Variants in IL17RD observed in about 807,000 individuals in gnomAD.
IL17RD encodes the protein interleukin 17 receptor D, also known as interleukin-17 receptor D.
A neutral mutation model predicts 80.5 loss-of-function variants in IL17RD; 52 were observed. That is an observed-to-expected ratio of 0.65 (90% CI 0.52 to 0.81). The LOEUF is 0.81. IL17RD is among the 40% of genes least tolerant of loss of function. The pLI is 0.00. For missense variants in IL17RD, 1,024 were observed against 955.1 expected, an observed-to-expected ratio of 1.07 and a Z score of -0.95; for synonymous variants, 416 against 391.8, an observed-to-expected ratio of 1.06 and a Z score of -0.73.
At chr3:57,162,558 A>C (rs1444379921) in intron 1 of IL17RD, among the ~76,000 whole-genome samples, 1 of 152,194 alleles carries the variant, frequency 6.6e-6, no homozygotes, top group Non-Finnish European at 1.5e-5. Flanking sequence ...GGAGGTGTGG[A>C]CAGGGACAAT....
intron 1 of IL17RD, among the ~76,000 whole-genome samples, chr3:57,151,650 G>T (rs1003975554): frequency 1.3e-5 from 2 of 152,084 alleles, no homozygotes; most frequent in African/African-American, 4.8e-5. Flanking sequence ...TACATTTTAG[G>T]CCAGGTAATT....
rs565473934 is a variant in IL17RD at position 57,094,231 on chromosome 3, T to G, written c.*2162A>C. The G allele has an allele frequency of 7.2e-5, 11 of 152,282 alleles. No homozygotes were observed. The highest frequency in any genetic ancestry group is 2.6e-4 in the African/African-American group (11 of 41,556). The allele number at this position is 152,282 out of a possible 1,614,324, so 9.4% of individuals were successfully genotyped here. ...GGAGAGTAGAAAAAGTGAAACTAATTAAACAAAACTAGGAAGTTGGACTTC... is the reference window on the plus strand; with the variant it reads ...GGAGAGTAGAAAAAGTGAAACTAATGAAACAAAACTAGGAAGTTGGACTTC... On this transcript the variant is annotated 3_prime_UTR_variant, in exon 13 of 13. Transcript: ENST00000296318.
At chr3:57,121,134 T>C in intron 1 of IL17RD, among the ~76,000 whole-genome samples, 1 of 152,248 alleles carries the variant, frequency 6.6e-6, no homozygotes, top group East Asian at 1.9e-4. Flanking sequence ...CGTTCAGCAT[T>C]AATCACAGAA....
intron 5 of IL17RD, among the ~76,000 whole-genome samples, chr3:57,106,690 G>A (rs1036055593): frequency 6.6e-6 from 1 of 152,114 alleles, no homozygotes; most frequent in Non-Finnish European, 1.5e-5. Flanking sequence ...CTGAAAACCA[G>A]GTACCAAAGC....
chr3:57,139,194 A>T (rs1329567940), intron 1 of IL17RD, among the ~76,000 whole-genome samples: 3 of 152,156 alleles, frequency 2.0e-5, no homozygotes, highest in Non-Finnish European at 2.9e-5. Flanking sequence ...AATAACAAAA[A>T]GCCAGGAATT....
intron 11 of IL17RD, among the ~76,000 whole-genome samples, chr3:57,100,879 T>G (rs1706811753): frequency 6.6e-6 from 1 of 152,218 alleles, no homozygotes; most frequent in South Asian, 2.1e-4. Context: ...AATTGCATGT[T>G]TCCACGGAAG....
At chr3:57,110,055 C>G (rs1707059335) in intron 4 of IL17RD, 138 bp downstream of exon 4, 1 of 896,090 alleles carries the variant, frequency 1.1e-6, no homozygotes, top group African/African-American at 1.7e-5. Context: ...CAAGGTGCTG[C>G]TGTACCATTC....
chr3:57,165,376 G>A (rs1422455251), upstream of IL17RD: 1 of 1,128,030 alleles, frequency 8.9e-7, no homozygotes, highest in Non-Finnish European at 1.1e-6. Context: ...CGGCGGCCGC[G>A]GCGGCAGCGA....
chr3:57,097,655 G>T lies in IL17RD; in HGVS notation c.2048C>A (p.Ser683Ter). 6.2e-7 allele frequency: 1 copy of T among 1,601,566 alleles called. No homozygotes were observed. Among genetic ancestry groups the T allele is most frequent in the Non-Finnish European group, 8.5e-7 (1 of 1,174,502 alleles). Residue 683 changes from serine to a stop codon, truncating the protein, a stop_gained, in exon 12 of 13, where the codon TCG becomes TAG. Transcript: ENST00000296318. LOFTEE classifies it high-confidence loss of function. ...ELSLPLMEGLSTDQTETSSLT... is the reference protein window; with the variant it reads ...ELSLPLMEGL ...GGAAGACGTTTCTGTCTGGTCCGTC[G>T]AGAGTCCTTCCATCAGTGGCAGAGA...
chr3:57,099,587 C>T (rs1166655455), intron 11 of IL17RD, among the ~76,000 whole-genome samples: 1 of 152,242 alleles, frequency 6.6e-6, no homozygotes, highest in Non-Finnish European at 1.5e-5. Context: ...AAAGCCCCAA[C>T]ATCCATCCAC....
rs1269989323 is a variant in IL17RD at position 57,093,059 on chromosome 3, GA to G, written c.*3333del. On this transcript the variant is annotated 3_prime_UTR_variant, in exon 13 of 13. Transcript: ENST00000296318. ...AGTACTTCATGGCCACAGTCGACTG[GA>G]AAATTACCCACTGTGGGTGGAACAG... is the stretch of plus-strand genomic sequence containing the variant. 6.6e-6 allele frequency: 1 copy of G among 152,152 alleles called. No homozygotes were observed. The highest frequency in any genetic ancestry group is 2.4e-5 in the African/African-American group (1 of 41,418). The allele number at this position is 152,152 out of a possible 1,614,324, so 9.4% of individuals were successfully genotyped here. A position where few individuals can be genotyped will look rare whatever the true frequency, so the allele number is the denominator to read the frequency against.
At chr3:57,105,597 G>C (rs1706944085) in intron 7 of IL17RD, among the ~76,000 whole-genome samples, 1 of 138,778 alleles carries the variant, frequency 7.2e-6, no homozygotes, top group South Asian at 2.3e-4. Flanking sequence ...ATGAACAAAT[G>C]AGAAATACTT....
chr3:57,141,248 T>C (rs188146418), intron 1 of IL17RD, among the ~76,000 whole-genome samples: 58 of 152,268 alleles, frequency 3.8e-4, no homozygotes, highest in Non-Finnish European at 1.5e-5. Context: ...CCTGACAATA[T>C]AACTTTAATT....
rs1706650103 is a variant in IL17RD, at chr3:57,095,409, A to G, written c.*984T>C. The G allele has an allele frequency of 6.6e-6, 1 of 152,260 alleles. No homozygotes were observed. The highest frequency in any genetic ancestry group is 1.5e-5 in the Non-Finnish European group (1 of 68,040). 9.4% of individuals were successfully genotyped at this position (152,260 alleles called of 1,614,324 possible). A position where few individuals can be genotyped will look rare whatever the true frequency, so the allele number is the denominator to read the frequency against. On this transcript the variant is annotated 3_prime_UTR_variant, in exon 13 of 13. Transcript: ENST00000296318. ...AAGAGGTTTGTCATTAGTCAAAACC[A>G]GTTCAGCAGATTAACTGGCCATCAC...
chr3:57,126,172 A>C (rs749714739), intron 1 of IL17RD, among the ~76,000 whole-genome samples: 4 of 152,260 alleles, frequency 2.6e-5, no homozygotes, highest in Admixed American at 1.3e-4. Flanking sequence ...ATAAATGCCA[A>C]TGCAGTGGAC....
At chr3:57,147,539 C>T (rs1707957221) in intron 1 of IL17RD, among the ~76,000 whole-genome samples, 1 of 152,126 alleles carries the variant, frequency 6.6e-6, no homozygotes, top group African/African-American at 2.4e-5. Flanking sequence ...GGAATAAATG[C>T]CAAGGAAATA....
At chr3:57,100,158 G>T (rs1009381292) in intron 11 of IL17RD, among the ~76,000 whole-genome samples, 3 of 152,212 alleles carry the variant, frequency 2.0e-5, no homozygotes, top group Non-Finnish European at 2.9e-5. Flanking sequence ...GAGCAAACTT[G>T]GTTGCCCGTG....
At chr3:57,111,500 C>T (rs1707096611) in intron 3 of IL17RD, among the ~76,000 whole-genome samples, 1 of 152,034 alleles carries the variant, frequency 6.6e-6, no homozygotes. Context: ...AGTCATTAGA[C>T]CAACAACTAT....
intron 1 of IL17RD, among the ~76,000 whole-genome samples, chr3:57,137,259 C>T (rs745548582): frequency 2.6e-5 from 4 of 152,194 alleles, no homozygotes; most frequent in Non-Finnish European, 5.9e-5. Context: ...TTAGACACCC[C>T]CAACTGGCCT....
Sources: gnomAD v4.1 joint callset for allele counts (sites outside exome capture counted in the v4.1 genomes callset) on GRCh38, gnomAD v4.1.1 for gene constraint, MANE v1.5 for transcripts, NCBI Gene and HGNC (gene_info 2026-07-23, HGNC 2026-07-21) for gene names.